Variants in SULT6B1 observed in about 807,000 individuals in gnomAD.
SULT6B1 encodes the protein sulfotransferase family 6B member 1, also known as sulfotransferase 6B1.
In SULT6B1, 44 loss-of-function variants were observed where a neutral mutation model predicts 37.2. That is an observed-to-expected ratio of 1.18 (90% CI 0.93 to 1.52). The LOEUF is 1.52. Among genes scored for constraint, SULT6B1 ranks in the 40% most tolerant of loss-of-function variants. SULT6B1 has a pLI of 0.00. For missense variants in SULT6B1, 450 were observed against 361.0 expected (o/e 1.25, Z -2.00); for synonymous variants, 140 against 126.0 (o/e 1.11, Z -0.74).
upstream of SULT6B1, among the ~76,000 whole-genome samples, chr2:37,191,532 C>T (rs1005060357): frequency 5.3e-5 from 8 of 152,218 alleles, no homozygotes; most frequent in Non-Finnish European, 1.0e-4. Context: ...CACAGTGTTA[C>T]AGCCTTTTTT....
upstream of SULT6B1, among the ~76,000 whole-genome samples, chr2:37,191,586 G>A (rs186251399): frequency 4.7e-3 from 715 of 152,310 alleles, 6 homozygotes; most frequent in Non-Finnish European, 5.1e-3. Context: ...CTGCATTCAA[G>A]AAGAATGAGG....
chr2:37,194,144 G>A (rs1417676874), intron 1 of SULT6B1, among the ~76,000 whole-genome samples: 1 of 151,520 alleles, frequency 6.6e-6, no homozygotes, highest in Admixed American at 6.6e-5. Flanking sequence ...TGAAGATTCA[G>A]TGGTTAGTTC....
At chr2:37,190,826 T>C (rs1391399460), upstream of SULT6B1, among the ~76,000 whole-genome samples, 1 of 152,168 alleles carries the variant, frequency 6.6e-6, no homozygotes. Flanking sequence ...TGGCTGGCAT[T>C]ATCTTGATTT....
chr2:37,187,765 T>C (rs1031396346), intron 1 of SULT6B1, among the ~76,000 whole-genome samples: 1 of 152,128 alleles, frequency 6.6e-6, no homozygotes, highest in African/African-American at 2.4e-5. Context: ...GTTATAGAAA[T>C]AGTTTATTAT....
chr2:37,184,272 C>A (rs1254293670), intron 2 of SULT6B1, among the ~76,000 whole-genome samples: 1 of 152,120 alleles, frequency 6.6e-6, no homozygotes, highest in Non-Finnish European at 1.5e-5. Flanking sequence ...AGCTAAAACT[C>A]TAGGCAATAA....
intron 4 of SULT6B1, among the ~76,000 whole-genome samples, chr2:37,177,411 C>CAAAAAAAAAAAAAAAAAA (rs57205863): frequency 5.0e-4 from 38 of 76,264 alleles, no homozygotes; most frequent in Non-Finnish European, 6.3e-4. Flanking sequence ...AATCTTGTCT[C>CAAAAAAAAAAAAAAAAAA]AAAAAAAAAA....
rs1676550185 is a variant in SULT6B1 at position 37,181,538 on chromosome 2, C to A, written c.402+1887G>T. Among the ~76,000 whole-genome samples the A allele has an allele frequency of 2.0e-5, 3 of 152,058 alleles. No individual in the cohort carries two copies. In the South Asian group the frequency reaches 6.2e-4, roughly 32 times the overall value. On this transcript the variant is annotated intron_variant, in intron 3 of 6. Transcript: ENST00000535679. ...GGGACCACAGCGGTGCACCACCATG[C>A]CCGGCTAATTTTTGTATTTTTTGTA... is the stretch of plus-strand genomic sequence containing the variant.
upstream of SULT6B1, among the ~76,000 whole-genome samples, chr2:37,189,516 C>G (rs551035944): frequency 6.6e-6 from 1 of 152,212 alleles, no homozygotes; most frequent in Non-Finnish European, 1.5e-5. Context: ...TGGCCCACTT[C>G]CAGCATCTCA....
At chr2:37,177,427 A>G (rs1229369459) in intron 4 of SULT6B1, among the ~76,000 whole-genome samples, 1 of 145,512 alleles carries the variant, frequency 6.9e-6, no homozygotes, top group African/African-American at 2.5e-5. Context: ...AAAAAAAAAA[A>G]AAAAAAGAAA....
intron 1 of SULT6B1, chr2:37,194,683 C>T (rs939097809): frequency 1.3e-5 from 3 of 229,794 alleles, no homozygotes; most frequent in Middle Eastern, 1.6e-3. Flanking sequence ...GTCATCACCT[C>T]GTTGATGGCA....
intron 5 of SULT6B1, among the ~76,000 whole-genome samples, chr2:37,174,417 C>T (rs1318918361): frequency 2.0e-5 from 3 of 151,522 alleles, no homozygotes; most frequent in East Asian, 1.9e-4. Context: ...AGGGTGGTCT[C>T]GAACTCCTGG....
chr2:37,185,105 G>A (rs1045509890), intron 2 of SULT6B1, among the ~76,000 whole-genome samples: 13 of 152,126 alleles, frequency 8.5e-5, no homozygotes, highest in African/African-American at 2.9e-4. Context: ...AAATTGCACA[G>A]GTGGTTATTT....
At chr2:37,191,013 G>C (rs1676769145), upstream of SULT6B1, 1 of 151,828 alleles carries the variant, frequency 6.6e-6, no homozygotes, top group Non-Finnish European at 1.5e-5. Context: ...GGAATGAAGG[G>C]GTAAGAGGGG....
At chr2:37,189,961 C>G (rs1358460914), upstream of SULT6B1, 2 of 152,352 alleles carry the variant, frequency 1.3e-5, no homozygotes, top group East Asian at 1.9e-4. Context: ...GGCAGACTAA[C>G]AAGACAGAGG....
intron 6 of SULT6B1, among the ~76,000 whole-genome samples, chr2:37,170,248 C>T (rs1676264134): frequency 2.0e-5 from 3 of 149,236 alleles, no homozygotes; most frequent in African/African-American, 4.9e-5. Flanking sequence ...GGGTGGATCA[C>T]CTGAGGTCAG....
At chr2:37,168,913 C>T (rs1676237999) in intron 6 of SULT6B1, among the ~76,000 whole-genome samples, 1 of 152,066 alleles carries the variant, frequency 6.6e-6, no homozygotes. Flanking sequence ...AGTTTAATGA[C>T]ATGAAGAAAC....
chr2:37,188,463 GCA>G lies in SULT6B1; in HGVS notation c.176_177del (p.Val59AlafsTer18). 1 of 1,613,876 alleles carries G rather than the reference GCA, an allele frequency of 6.2e-7. No homozygotes were observed. Among genetic ancestry groups the G allele is most frequent in the Admixed American group, 1.7e-5 (1 of 59,970 alleles). On this transcript the variant is annotated frameshift_variant, in exon 1 of 7. Transcript: ENST00000535679. LOFTEE classifies it high-confidence loss of function. ...TTACCGCACTTTGGATAAGATGCTA[GCA>G]CGATGTCATCATGTCTGGCTTCGAA... ...DTFEARHDDI[V>X]LASYPKCGSN...
rs1676298364 is a variant in SULT6B1, at chr2:37,171,518, T to C, written c.697A>G (p.Ile233Val). 6.2e-7 allele frequency: 1 copy of C among 1,614,032 alleles called. No individual in the cohort carries two copies. Among genetic ancestry groups the C allele is most frequent in the Admixed American group, 1.7e-5 (1 of 59,996 alleles). ...FFLTGEQIQTISVQSTFQAMR... is the reference protein window; with the variant it reads ...FFLTGEQIQTVSVQSTFQAMR... The stretch of plus-strand genomic sequence containing the variant: ...GCTTGGAAGGTGCTCTGGACTGAGA[T>C]AGTTTGAATTTGCTCCCCAGTTAGA... Residue 233 changes from isoleucine (I) to valine (V), a missense_variant, in exon 6 of 7, where the codon ATC (isoleucine) becomes GTC (valine). Ile to Val is a conservative substitution (Grantham distance 29). Transcript: ENST00000535679.
chr2:37,187,961 C>G (rs1293460827), intron 1 of SULT6B1, among the ~76,000 whole-genome samples: 1 of 152,146 alleles, frequency 6.6e-6, no homozygotes, highest in African/African-American at 2.4e-5. Context: ...TTCTTCATGT[C>G]TTATTTTCCG....
Sources: gnomAD v4.1 joint callset for allele counts (sites outside exome capture counted in the v4.1 genomes callset) on GRCh38, gnomAD v4.1.1 for gene constraint, MANE v1.5 for transcripts, NCBI Gene and HGNC (gene_info 2026-07-23, HGNC 2026-07-21) for gene names.